KCNH5: variants seen among roughly 807,000 people sequenced by gnomAD.
KCNH5 encodes the protein potassium voltage-gated channel subfamily H member 5.
A neutral mutation model predicts 96.1 loss-of-function variants in KCNH5; 46 were observed. The ratio of observed to expected loss-of-function variants is 0.48; its 90% CI spans 0.38 to 0.61. The LOEUF is 0.61. Among genes scored for constraint, KCNH5 ranks in the 20% least tolerant of loss-of-function variants. The probability of loss-of-function intolerance (pLI) is 0.00; values close to 1 mark genes in which losing one functional copy is unlikely to be tolerated. For missense variants in KCNH5, 907 were observed against 1,225.8 expected (o/e 0.74, Z 3.88); for synonymous variants, 439 against 449.8 (o/e 0.98, Z 0.30).
intron 7 of KCNH5, among the ~76,000 whole-genome samples, chr14:62,854,551 A>G (rs1887893030): frequency 6.6e-6 from 1 of 152,048 alleles, no homozygotes; most frequent in Non-Finnish European, 1.5e-5. Flanking sequence ...TGGTCTGGCC[A>G]GTTTTGTCAG....
At chr14:62,784,019 C>G (rs190589371) in intron 9 of KCNH5, among the ~76,000 whole-genome samples, 111 of 151,676 alleles carry the variant, frequency 7.3e-4, no homozygotes, top group Non-Finnish European at 1.3e-3. Flanking sequence ...ATTTATTAGT[C>G]TATTCTCACA....
rs1052932322 is a variant in KCNH5 at position 63,001,405 on chromosome 14, T to C, written c.359A>G (p.Lys120Arg). The C allele has an allele frequency of 6.2e-7, 1 of 1,612,578 alleles. No individual in the cohort carries two copies. The highest frequency in any genetic ancestry group is 1.1e-5 in the South Asian group (1 of 90,708). ...GAAAGTACACAGGAACAAGACCACCTTTTCATGTTCATTTCTTATTGGTGC... is the reference window on the plus strand; with the variant it reads ...GAAAGTACACAGGAACAAGACCACCCTTTCATGTTCATTTCTTATTGGTGC... ...QIAPIRNEHE[K>R]VVLFLCTFKD... Residue 120 changes from lysine to arginine, a missense_variant, in exon 4 of 11, where the codon AAG becomes AGG. By Grantham distance (26) the Lys-to-Arg change is conservative. Around this residue, in one of 6 missense-constraint regions of KCNH5, gnomAD observed 370 missense variants for 561.3 expected, o/e 0.66. Coordinates refer to ENST00000322893, the MANE Select transcript of KCNH5 (RefSeq NM_139318.5).
rs1884465928 is a variant in KCNH5 at position 62,707,723 on chromosome 14, T to C, written c.2752A>G (p.Lys918Glu). The stretch of plus-strand genomic sequence containing the variant: ...CAGCTGAGCAGCTGGATGTCCTCTT[T>C]GAGTTCGTGTTTGACTTCCTGCAGT... The part of the protein sequence containing the change: ...TTLQEVKHEL[K>E]EDIQLLSCRM... Residue 918 changes from lysine (K) to glutamate (E), a missense_variant, in exon 11 of 11, where the codon AAA (lysine) becomes GAA (glutamate). This residue lies in a region of KCNH5 where 362 missense variants were observed against 394.4 expected (regional missense o/e 0.92). Coordinates refer to ENST00000322893, the MANE Select transcript of KCNH5 (RefSeq NM_139318.5). 2 of 1,608,734 alleles carry C rather than the reference T, an allele frequency of 1.2e-6. No homozygotes were observed. The highest frequency in any genetic ancestry group is 1.3e-5 in the African/African-American group (1 of 74,812).
chr14:62,801,298 T>A (rs1478016852), intron 9 of KCNH5, among the ~76,000 whole-genome samples: 1 of 151,650 alleles, frequency 6.6e-6, no homozygotes, highest in African/African-American at 2.4e-5. Context: ...ATTGAGCTCA[T>A]TTTTCATGAG....
At chr14:62,832,487 AT>A (rs1263987373) in intron 8 of KCNH5, among the ~76,000 whole-genome samples, 1 of 151,978 alleles carries the variant, frequency 6.6e-6, no homozygotes, top group East Asian at 1.9e-4. Flanking sequence ...TATTTAGCAG[AT>A]TTTCTTTTTC....
chr14:63,005,314 C>T (rs1272357822), intron 3 of KCNH5, among the ~76,000 whole-genome samples: 1 of 152,178 alleles, frequency 6.6e-6, no homozygotes, highest in African/African-American at 2.4e-5. Context: ...CGCTGTTATT[C>T]CTTTGTTAGT....
chr14:63,026,004 A>AT (rs36089052), intron 1 of KCNH5, among the ~76,000 whole-genome samples: 33,903 of 151,994 alleles, frequency 0.22, 4,654 homozygotes, highest in African/African-American at 0.38. Context: ...CGGTACTGGC[A>AT]TAAAAATAGA....
At chr14:62,750,192 C>G (rs1035425959) in intron 10 of KCNH5, among the ~76,000 whole-genome samples, 7 of 152,212 alleles carry the variant, frequency 4.6e-5, no homozygotes, top group African/African-American at 1.7e-4. Context: ...ATTCCAGGCA[C>G]ATAGTTCACA....
chr14:62,723,341 G>T (rs891414609), intron 10 of KCNH5, among the ~76,000 whole-genome samples: 1 of 152,046 alleles, frequency 6.6e-6, no homozygotes, highest in African/African-American at 2.4e-5. Context: ...CTATTATTAA[G>T]AATTATCTTC....
At chr14:62,832,022 A>C (rs1887361755) in intron 8 of KCNH5, among the ~76,000 whole-genome samples, 1 of 152,142 alleles carries the variant, frequency 6.6e-6, no homozygotes, top group African/African-American at 2.4e-5. Flanking sequence ...CTAAATTACT[A>C]ACTTCAATAG....
rs146183558 is a variant in KCNH5, at chr14:62,815,584, C to T, written c.1570-13003G>A. 2.3e-4 allele frequency among the ~76,000 whole-genome samples: 35 copies of T among 151,962 alleles called. No homozygotes were observed. The East Asian group carries it at 5.4e-3, about 23-fold the overall frequency. Reference sequence around the variant, plus strand: ...TTATTTCATTTTACATATATATACACAAAACATCACACTGTATACCTTAAA... The same window carrying T: ...TTATTTCATTTTACATATATATACATAAAACATCACACTGTATACCTTAAA... On this transcript the variant is annotated intron_variant, in intron 8 of 10. Transcript: ENST00000322893.
intron 7 of KCNH5, among the ~76,000 whole-genome samples, chr14:62,902,743 A>G (rs1888952566): frequency 6.6e-6 from 1 of 151,256 alleles, no homozygotes; most frequent in Non-Finnish European, 1.5e-5. Flanking sequence ...TCTCGAGACA[A>G]GAGCCTCACT....
At chr14:62,835,789 AG>A (rs1416038974) in intron 8 of KCNH5, among the ~76,000 whole-genome samples, 1 of 151,918 alleles carries the variant, frequency 6.6e-6, no homozygotes, top group African/African-American at 2.4e-5. Flanking sequence ...ATTAGACTGA[AG>A]GGGTTTTTGT....
At chr14:62,708,585 GA>G (rs369059709) in intron 10 of KCNH5, 130 bp from the exon 11 acceptor site, 196 of 560,684 alleles carry the variant, frequency 3.5e-4, no homozygotes, top group Middle Eastern at 5.0e-4. Context: ...TATTTCTCAA[GA>G]AAAAAAAATT....
rs554259961 is a variant in KCNH5 at position 62,772,361 on chromosome 14, G to A, written c.2019+7367C>T. Among the ~76,000 whole-genome samples, 36 of 151,676 alleles carry A rather than the reference G, an allele frequency of 2.4e-4. No individual in the cohort carries two copies. In the East Asian group the frequency reaches 6.0e-3, roughly 25 times the overall value. ...ATACAAAAGTGAAAAAGTAGCAGGC[G>A]GGCCCTGTGGCTCATGCCTGTAATC... On this transcript the variant is annotated intron_variant, in intron 10 of 10. Transcript: ENST00000322893.
intron 6 of KCNH5, among the ~76,000 whole-genome samples, chr14:62,980,177 A>T (rs1890579712): frequency 6.6e-6 from 1 of 152,166 alleles, no homozygotes; most frequent in Non-Finnish European, 1.5e-5. Context: ...TGGAACTGTG[A>T]GTCAATTAAA....
intron 7 of KCNH5, among the ~76,000 whole-genome samples, chr14:62,906,579 T>C (rs1448295031): frequency 6.6e-6 from 1 of 152,212 alleles, no homozygotes; most frequent in Non-Finnish European, 1.5e-5. Flanking sequence ...CTCATTTCTC[T>C]CTCTGTTGAA....
chr14:62,914,872 T>A (rs1236046563), intron 7 of KCNH5, among the ~76,000 whole-genome samples: 1 of 152,228 alleles, frequency 6.6e-6, no homozygotes, highest in Non-Finnish European at 1.5e-5. Flanking sequence ...CCTCGCCATG[T>A]GGGCAGTGAG....
chr14:62,876,179 G>T (rs2140071384), intron 7 of KCNH5, among the ~76,000 whole-genome samples: 1 of 152,186 alleles, frequency 6.6e-6, no homozygotes, highest in South Asian at 2.1e-4. Flanking sequence ...AAAACAAAGT[G>T]TTGAAAACTA....
Sources: allele counts gnomAD v4.1 joint callset (sites outside exome capture counted in the v4.1 genomes callset), GRCh38; gene constraint gnomAD v4.1.1; regional missense constraint gnomAD v4.1.1; transcripts MANE v1.5; gene names NCBI Gene and HGNC (gene_info 2026-07-23, HGNC 2026-07-21).